E2F3: variants seen among roughly 807,000 people sequenced by gnomAD.
E2F3 encodes E2F transcription factor 3, also known as transcription factor E2F3.
A neutral mutation model predicts 44.4 loss-of-function variants in E2F3; 11 were observed. That is an observed-to-expected ratio of 0.25 (90% CI 0.16 to 0.41). The LOEUF is 0.41. Among genes scored for constraint, E2F3 ranks in the 10% least tolerant of loss-of-function variants. The pLI is 1.00. For synonymous variants in E2F3, 249 were observed against 253.0 expected (o/e 0.98, Z 0.15); for missense variants, 487 against 583.6 (o/e 0.83, Z 1.70).
intron 1 of E2F3, among the ~76,000 whole-genome samples, chr6:20,449,289 T>G (rs1297780508): frequency 6.6e-6 from 1 of 152,220 alleles, no homozygotes; most frequent in Non-Finnish European, 1.5e-5. Flanking sequence ...CTACTACGCC[T>G]TTTATAGTTC....
chr6:20,415,778 T>C (rs1759825959), intron 1 of E2F3, among the ~76,000 whole-genome samples: 1 of 152,236 alleles, frequency 6.6e-6, no homozygotes. Context: ...GGTAGTGCTC[T>C]GTGCAGGCCA....
At chr6:20,421,958 C>T (rs1760043715) in intron 1 of E2F3, 1 of 152,256 alleles carries the variant, frequency 6.6e-6, no homozygotes, top group Admixed American at 6.5e-5. Context: ...AACTTAATGT[C>T]ACCAATTGCA....
At chr6:20,486,387 C>T (rs562011299) in intron 4 of E2F3, among the ~76,000 whole-genome samples, 209 of 152,322 alleles carry the variant, frequency 1.4e-3, no homozygotes, top group African/African-American at 4.7e-3. Flanking sequence ...ATTCTCCGGC[C>T]TCAGCCTCCC....
At chr6:20,426,683 G>A (rs1581587502) in intron 1 of E2F3, among the ~76,000 whole-genome samples, 1 of 152,184 alleles carries the variant, frequency 6.6e-6, no homozygotes, top group Admixed American at 6.5e-5. Context: ...CTGAAGTGTT[G>A]GCATGGCCTC....
chr6:20,474,273 A>G (rs536738010), intron 1 of E2F3, among the ~76,000 whole-genome samples: 5 of 152,224 alleles, frequency 3.3e-5, no homozygotes, highest in Admixed American at 2.0e-4. Flanking sequence ...GATTTTCAGA[A>G]CTGCTTACCA....
At chr6:20,406,267 T>C (rs999729223) in intron 1 of E2F3, among the ~76,000 whole-genome samples, 4 of 152,352 alleles carry the variant, frequency 2.6e-5, no homozygotes, top group Admixed American at 2.0e-4. Flanking sequence ...TAACTTAATC[T>C]CTCAACTCAG....
In E2F3 at chr6:20,492,117, A is replaced by G. The variant is rs1298717807; in HGVS notation, c.*1687A>G. On this transcript the variant is annotated 3_prime_UTR_variant, in exon 7 of 7. Transcript: ENST00000346618. ...TAGGCACATAGTAGGCACTCAACTC[A>G]TATGTTTAATTGAATTGAAAATATC... 1 of 214,516 alleles carries G rather than the reference A, an allele frequency of 4.7e-6. No homozygotes were observed. Among genetic ancestry groups the G allele is most frequent in the Non-Finnish European group, 9.4e-6 (1 of 106,314 alleles). 13.3% of individuals were successfully genotyped at this position (214,516 alleles called of 1,614,324 possible).
intron 1 of E2F3, among the ~76,000 whole-genome samples, chr6:20,423,970 A>G (rs1026067030): frequency 2.0e-5 from 3 of 150,712 alleles, no homozygotes; most frequent in Non-Finnish European, 4.4e-5. Flanking sequence ...GGGTTTCACC[A>G]TGTTGGTCAG....
intron 1 of E2F3, among the ~76,000 whole-genome samples, chr6:20,458,535 G>C (rs1761391630): frequency 6.6e-6 from 1 of 152,112 alleles, no homozygotes; most frequent in Non-Finnish European, 1.5e-5. Flanking sequence ...GGACCTTGGA[G>C]ATAAGCTTCT....
intron 1 of E2F3, among the ~76,000 whole-genome samples, chr6:20,450,895 G>A (rs969442646): frequency 6.6e-6 from 1 of 152,020 alleles, no homozygotes. Flanking sequence ...TTCTTTACCC[G>A]TTGCTTAATT....
intron 1 of E2F3, among the ~76,000 whole-genome samples, chr6:20,457,205 T>C (rs1761334282): frequency 6.6e-6 from 1 of 151,926 alleles, no homozygotes; most frequent in African/African-American, 2.4e-5. Flanking sequence ...GAAGAAGTCT[T>C]ACTCTGTTGC....
chr6:20,407,675 G>A (rs1201692311), intron 1 of E2F3, among the ~76,000 whole-genome samples: 1 of 152,058 alleles, frequency 6.6e-6, no homozygotes, highest in Non-Finnish European at 1.5e-5. Context: ...TCTTTCCTAG[G>A]GATTTGGACC....
chr6:20,453,653 C>T (rs1055016490), intron 1 of E2F3, among the ~76,000 whole-genome samples: 48 of 152,270 alleles, frequency 3.2e-4, no homozygotes, highest in African/African-American at 1.0e-3. Context: ...CTCGGGCGAT[C>T]CTACCTCCGC....
At chr6:20,451,118 T>A (rs1332585176) in intron 1 of E2F3, among the ~76,000 whole-genome samples, 1 of 152,200 alleles carries the variant, frequency 6.6e-6, no homozygotes, top group African/African-American at 2.4e-5. Context: ...AGGCTCTTTT[T>A]TGGTTCCATA....
At chr6:20,423,798 C>T (rs952028374) in intron 1 of E2F3, among the ~76,000 whole-genome samples, 1 of 138,508 alleles carries the variant, frequency 7.2e-6, no homozygotes, top group African/African-American at 2.7e-5. Flanking sequence ...GACAGAGTTT[C>T]GCTCTTGTTG....
At chr6:20,446,186 T>C (rs986006426) in intron 1 of E2F3, among the ~76,000 whole-genome samples, 2 of 152,196 alleles carry the variant, frequency 1.3e-5, no homozygotes, top group African/African-American at 4.8e-5. Flanking sequence ...GAATGAAATG[T>C]TATTCAAGGA....
In E2F3 at chr6:20,402,675, G is replaced by A; in HGVS notation, c.393+50G>A. The A allele has an allele frequency of 3.1e-6, 4 of 1,296,454 alleles. No individual in the cohort carries two copies. The highest frequency in any genetic ancestry group is 6.4e-5 in the East Asian group (2 of 31,434). The allele number at this position is 1,296,454 out of a possible 1,614,324, so 80.3% of individuals were successfully genotyped here. ...CCCAGCCCCGGCGGGAGGTGGGCTCGCACCGCGCGGGGTCGTGGGCGCGCT... is the reference window on the plus strand; with the variant it reads ...CCCAGCCCCGGCGGGAGGTGGGCTCACACCGCGCGGGGTCGTGGGCGCGCT... On this transcript the variant is annotated intron_variant, in intron 1 of 6. Transcript: ENST00000346618. The surrounding 1 kb of genome is among the most constrained non-coding windows in gnomAD (Gnocchi z 5.6).
At chr6:20,477,856 G>C (rs1009000486) in intron 1 of E2F3, among the ~76,000 whole-genome samples, 1 of 152,112 alleles carries the variant, frequency 6.6e-6, no homozygotes, top group African/African-American at 2.4e-5. Flanking sequence ...TGGTCTTACT[G>C]TCTCAGGGAT....
Position 20,479,841 on chromosome 6 carries a change from T to C in E2F3, c.394-5T>C. ...GTGACGAGAGATCGCACTTTCTTATTACAGGCAAAGCGAAGGCTGGAGCTA... is the reference window on the plus strand; with the variant it reads ...GTGACGAGAGATCGCACTTTCTTATCACAGGCAAAGCGAAGGCTGGAGCTA... On this transcript the variant is annotated splice_region_variant and splice_polypyrimidine_tract_variant and intron_variant, in intron 1 of 6. Coordinates refer to ENST00000346618, the MANE Select transcript of E2F3 (RefSeq NM_001949.5). 1 of 1,608,464 alleles carries C rather than the reference T, an allele frequency of 6.2e-7. No individual in the cohort carries two copies. The highest frequency in any genetic ancestry group is 8.5e-7 in the Non-Finnish European group (1 of 1,177,080).
Sources: gnomAD v4.1 joint callset for allele counts (sites outside exome capture counted in the v4.1 genomes callset) on GRCh38, gnomAD v4.1.1 for gene constraint, Gnocchi (gnomAD v3.1) non-coding constraint, MANE v1.5 for transcripts, NCBI Gene and HGNC (gene_info 2026-07-23, HGNC 2026-07-21) for gene names.